Variants in GPC6 observed in about 807,000 individuals in gnomAD.
The protein encoded by GPC6 is glypican 6, also known as glypican-6.
Under a neutral mutation model 55.2 loss-of-function variants are expected in GPC6, and 14 were observed. That is an observed-to-expected ratio of 0.25 (90% CI 0.17 to 0.40). The LOEUF is 0.40. Ranked by LOEUF, GPC6 falls within the 10% of genes least tolerant of loss-of-function variation. The probability of loss-of-function intolerance (pLI) is 1.00; values close to 1 mark genes in which losing one functional copy is unlikely to be tolerated. For synonymous variants in GPC6, 278 were observed against 259.6 expected (o/e 1.07, Z -0.68); for missense variants, 641 against 708.5 (o/e 0.90, Z 1.08).
chr13:93,999,342 C>A lies in GPC6; in HGVS notation c.712-28387C>A, dbSNP rs1213760951. ...GGTGGTTTCCAGCTTCATCCATGTACCTGTAAAGGACATGAACTCATCTTT... is the reference window on the plus strand; with the variant it reads ...GGTGGTTTCCAGCTTCATCCATGTAACTGTAAAGGACATGAACTCATCTTT... On this transcript the variant is annotated intron_variant, in intron 3 of 8. Transcript: ENST00000377047. Among the ~76,000 whole-genome samples the A allele has an allele frequency of 2.6e-5, 4 of 152,134 alleles. No individual in the cohort carries two copies. In the East Asian group the frequency reaches 5.8e-4, roughly 22 times the overall value.
At chr13:94,210,657 C>T (rs1414557004) in intron 4 of GPC6, among the ~76,000 whole-genome samples, 1 of 151,994 alleles carries the variant, frequency 6.6e-6, no homozygotes, top group African/African-American at 2.4e-5. Context: ...ATTTTATAAC[C>T]ACCAATAGTA....
At chr13:93,687,118 A>G (rs1373409520) in intron 2 of GPC6, among the ~76,000 whole-genome samples, 8 of 152,042 alleles carry the variant, frequency 5.3e-5, no homozygotes, top group Non-Finnish European at 1.2e-4. Context: ...CTTAAATTTC[A>G]TGTTCTTGTC....
intron 3 of GPC6, among the ~76,000 whole-genome samples, chr13:93,944,804 C>A (rs1442853722): frequency 1.3e-5 from 2 of 152,108 alleles, no homozygotes; most frequent in Non-Finnish European, 2.9e-5. Context: ...GTAGGTGTAT[C>A]GGAATTGGGA....
chr13:93,287,069 A>G (rs144402363), intron 1 of GPC6, among the ~76,000 whole-genome samples: 19 of 152,340 alleles, frequency 1.2e-4, no homozygotes, highest in African/African-American at 4.1e-4. Flanking sequence ...TATTTGAAAC[A>G]TAAGTGAATT....
chr13:93,310,511 G>T (rs2139107570), intron 1 of GPC6, among the ~76,000 whole-genome samples: 1 of 152,250 alleles, frequency 6.6e-6, no homozygotes, highest in South Asian at 2.1e-4. Context: ...AACTTGTAGT[G>T]ATTGGATATT....
intron 5 of GPC6, among the ~76,000 whole-genome samples, chr13:94,305,625 C>T (rs1264185749): frequency 1.3e-5 from 2 of 152,120 alleles, no homozygotes; most frequent in African/African-American, 4.8e-5. Context: ...GAACATGACT[C>T]AGATTTTTTG....
chr13:93,887,030 G>A (rs1420525878), intron 3 of GPC6, among the ~76,000 whole-genome samples: 1 of 151,718 alleles, frequency 6.6e-6, no homozygotes, highest in African/African-American at 2.4e-5. Flanking sequence ...TTTCCAAAGT[G>A]GAAGAGTCCA....
At position 93,310,989 on chromosome 13, in the gene GPC6, G is replaced by A. The variant is rs145369523; in HGVS notation, c.160+83373G>A. Among the ~76,000 whole-genome samples, 247 of 152,258 alleles carry A rather than the reference G, an allele frequency of 1.6e-3. 1 individual carries two copies. The highest frequency in any genetic ancestry group is 5.8e-3 in the African/African-American group (240 of 41,552). On this transcript the variant is annotated intron_variant, in intron 1 of 8. Coordinates refer to ENST00000377047, the MANE Select transcript of GPC6 (RefSeq NM_005708.5). Reference sequence around the variant, plus strand: ...TATCTGATGAAAAAATATTGAGTAGGTAGCTTACGTTATCTAAGAATATCC... The same window carrying A: ...TATCTGATGAAAAAATATTGAGTAGATAGCTTACGTTATCTAAGAATATCC...
At chr13:93,654,322 T>A (rs537432787) in intron 2 of GPC6, among the ~76,000 whole-genome samples, 1 of 151,702 alleles carries the variant, frequency 6.6e-6, no homozygotes, top group Non-Finnish European at 1.5e-5. Flanking sequence ...GGCGCCATCT[T>A]GGCTCACTAT....
intron 1 of GPC6, among the ~76,000 whole-genome samples, chr13:93,487,149 T>C (rs1489400598): frequency 1.3e-5 from 2 of 152,316 alleles, no homozygotes; most frequent in East Asian, 3.9e-4. Context: ...TTGACTGTCA[T>C]TTTCATAACA....
chr13:93,802,537 A>G (rs756299603), intron 2 of GPC6, among the ~76,000 whole-genome samples: 1 of 152,110 alleles, frequency 6.6e-6, no homozygotes, highest in Non-Finnish European at 1.5e-5. Context: ...AGCTAGGATT[A>G]AAGGTGTATA....
chr13:94,191,378 C>G (rs1164738040), intron 4 of GPC6, among the ~76,000 whole-genome samples: 1 of 152,130 alleles, frequency 6.6e-6, no homozygotes, highest in African/African-American at 2.4e-5. Context: ...TCAGGGATTA[C>G]TGGCTTTAAA....
chr13:93,312,555 G>A (rs992056997), intron 1 of GPC6, among the ~76,000 whole-genome samples: 9 of 152,100 alleles, frequency 5.9e-5, no homozygotes, highest in African/African-American at 1.9e-4. Context: ...ATAGCCTTGT[G>A]ATTGCTTTGA....
chr13:93,651,652 G>C (rs1343526459), intron 2 of GPC6, among the ~76,000 whole-genome samples: 1 of 152,032 alleles, frequency 6.6e-6, no homozygotes, highest in African/African-American at 2.4e-5. Flanking sequence ...CTTCCCAAAG[G>C]GACACAATGC....
chr13:93,515,062 C>T lies in GPC6; in HGVS notation c.161-30201C>T, dbSNP rs575363282. On this transcript the variant is annotated intron_variant, in intron 1 of 8. Coordinates refer to ENST00000377047, the MANE Select transcript of GPC6 (RefSeq NM_005708.5). Reference sequence around the variant, plus strand: ...AGGCTCATGGTAGTATCTGTGTGCCCCTACAAGAAAACAGAGAGCTTGTCT... The same window carrying T: ...AGGCTCATGGTAGTATCTGTGTGCCTCTACAAGAAAACAGAGAGCTTGTCT... Among the ~76,000 whole-genome samples the T allele has an allele frequency of 5.9e-4, 90 of 152,184 alleles. 1 individual carries two copies. Among genetic ancestry groups the T allele is most frequent in the African/African-American group, 2.0e-3 (85 of 41,520 alleles).
intron 1 of GPC6, among the ~76,000 whole-genome samples, chr13:93,345,880 C>T (rs563254768): frequency 6.6e-6 from 1 of 152,292 alleles, no homozygotes; most frequent in East Asian, 1.9e-4. Flanking sequence ...AGCATGTTTG[C>T]TGAGATCTGA....
intron 3 of GPC6, among the ~76,000 whole-genome samples, chr13:93,999,990 G>A (rs1419334245): frequency 6.6e-6 from 1 of 151,968 alleles, no homozygotes. Flanking sequence ...TTTATACTTG[G>A]TTCACAAAGA....
At chr13:94,320,122 T>A (rs1343706704) in intron 6 of GPC6, among the ~76,000 whole-genome samples, 1 of 152,196 alleles carries the variant, frequency 6.6e-6, no homozygotes, top group Non-Finnish European at 1.5e-5. Context: ...GTTGATTTAG[T>A]CTCTCAGGTT....
intron 1 of GPC6, among the ~76,000 whole-genome samples, chr13:93,478,911 CT>C (rs1393386330): frequency 1.3e-5 from 2 of 152,088 alleles, no homozygotes; most frequent in African/African-American, 4.8e-5. Flanking sequence ...CATGTTGGAC[CT>C]TTTGAGAGAG....
Sources: allele counts gnomAD v4.1 joint callset (sites outside exome capture counted in the v4.1 genomes callset), GRCh38; gene constraint gnomAD v4.1.1; transcripts MANE v1.5; gene names NCBI Gene and HGNC (gene_info 2026-07-23, HGNC 2026-07-21).